DNM3: variants seen among roughly 807,000 people sequenced by gnomAD.
The protein encoded by DNM3 is dynamin 3.
A neutral mutation model predicts 101.6 loss-of-function variants in DNM3; 47 were observed. The observed-to-expected ratio is 0.46, with a 90% CI of 0.37 to 0.59. DNM3 has a LOEUF of 0.59. Ranked by LOEUF, DNM3 falls within the 20% of genes least tolerant of loss-of-function variation. DNM3 has a pLI of 0.00. For synonymous variants in DNM3, 385 were observed against 387.9 expected (o/e 0.99, Z 0.09); for missense variants, 849 against 1,085.7 (o/e 0.78, Z 3.06).
At chr1:171,855,471 T>A (rs1381978680) in intron 1 of DNM3, among the ~76,000 whole-genome samples, 2 of 152,208 alleles carry the variant, frequency 1.3e-5, no homozygotes, top group Non-Finnish European at 1.5e-5. Flanking sequence ...TCCGCAATGG[T>A]TGAACTAATT....
At chr1:171,845,335 G>T (rs1036667626) in intron 1 of DNM3, among the ~76,000 whole-genome samples, 5 of 152,220 alleles carry the variant, frequency 3.3e-5, no homozygotes, top group African/African-American at 1.2e-4. Flanking sequence ...GATTGCTTGA[G>T]CCCAGGAGTT....
chr1:171,947,386 G>A lies in DNM3; in HGVS notation c.235+25565G>A, dbSNP rs61805812. Among the ~76,000 whole-genome samples the A allele has an allele frequency of 6.2e-3, 947 of 152,188 alleles. 8 individuals carry two copies. Among genetic ancestry groups the A allele is most frequent in the Non-Finnish European group, 0.011 (731 of 68,016 alleles). Reference sequence around the variant, plus strand: ...ATTTCTTACAGCATGTATGTATGTTGGAGAAAAGGATGTGCATTATCCATC... The same window carrying A: ...ATTTCTTACAGCATGTATGTATGTTAGAGAAAAGGATGTGCATTATCCATC... On this transcript the variant is annotated intron_variant, in intron 2 of 20. Transcript: ENST00000627582.
At chr1:172,096,684 G>A (rs16843847) in intron 13 of DNM3, among the ~76,000 whole-genome samples, 6,407 of 152,246 alleles carry the variant, frequency 0.042, 418 homozygotes, top group African/African-American at 0.14. Flanking sequence ...ATGAGTCACC[G>A]TGGGAGTTTG....
At chr1:172,075,226 G>A (rs1418328180) in intron 11 of DNM3, among the ~76,000 whole-genome samples, 2 of 151,834 alleles carry the variant, frequency 1.3e-5, no homozygotes, top group African/African-American at 2.4e-5. Flanking sequence ...TTGTCAGATG[G>A]GTAGATTGCA....
At position 171,971,705 on chromosome 1, in the gene DNM3, T is replaced by TA. The variant is rs2044006686; in HGVS notation, c.236-15944dup. Among the ~76,000 whole-genome samples the TA allele has an allele frequency of 3.9e-5, 6 of 152,066 alleles. No homozygotes were observed. The South Asian group carries it at 1.0e-3, about 26-fold the overall frequency. On this transcript the variant is annotated intron_variant, in intron 2 of 20. Coordinates refer to ENST00000627582, the MANE Select transcript of DNM3 (RefSeq NM_015569.5). ...GCACAATGTGTAATTGAAGGCTTGC[T>TA]AAAAAAACAAAAACAAAAACAAAAA...
chr1:171,993,498 C>CTTTTTTT (rs145178902), intron 4 of DNM3, among the ~76,000 whole-genome samples: 31 of 128,662 alleles, frequency 2.4e-4, no homozygotes, highest in African/African-American at 8.5e-4. Flanking sequence ...TTTCAAGATT[C>CTTTTTTT]TTTTTTTTTT....
chr1:172,138,340 C>T (rs534926166), intron 14 of DNM3: 4 of 137,850 alleles, frequency 2.9e-5, no homozygotes, highest in African/African-American at 1.1e-4. Flanking sequence ...TCTTTCCACC[C>T]TATCCCCTTC....
intron 14 of DNM3, among the ~76,000 whole-genome samples, chr1:172,225,392 C>T (rs1041298884): frequency 6.6e-6 from 1 of 151,958 alleles, no homozygotes; most frequent in East Asian, 1.9e-4. Context: ...GCCTCGGCCT[C>T]CCAAAGTGCT....
At chr1:172,031,565 A>G in intron 4 of DNM3, among the ~76,000 whole-genome samples, 1 of 152,280 alleles carries the variant, frequency 6.6e-6, no homozygotes, top group South Asian at 2.1e-4. Context: ...ACTTAAAGTA[A>G]AATAAAACAT....
chr1:172,167,635 C>T (rs1299349354), intron 14 of DNM3, among the ~76,000 whole-genome samples: 1 of 152,058 alleles, frequency 6.6e-6, no homozygotes, highest in African/African-American at 2.4e-5. Context: ...GATGGTATCT[C>T]ATTGTGGTTT....
At chr1:171,882,931 CA>C (rs978827443) in intron 1 of DNM3, among the ~76,000 whole-genome samples, 2 of 151,762 alleles carry the variant, frequency 1.3e-5, no homozygotes, top group African/African-American at 4.8e-5. Context: ...TCCTATGACT[CA>C]TAAAATCAGT....
chr1:172,366,425 A>T (rs1305237107), intron 17 of DNM3: 1 of 151,898 alleles, frequency 6.6e-6, no homozygotes, highest in Admixed American at 6.6e-5. Context: ...GATTTCAGGA[A>T]GAAGAGTCTT....
At chr1:172,389,066 A>C in intron 20 of DNM3, 1 of 502,718 alleles carries the variant, frequency 2.0e-6, no homozygotes, top group South Asian at 2.6e-5. Context: ...CCAATGAATG[A>C]CATTTTGGCA....
intron 4 of DNM3, among the ~76,000 whole-genome samples, chr1:172,009,473 G>A (rs2046971108): frequency 6.6e-6 from 1 of 151,142 alleles, no homozygotes; most frequent in Admixed American, 6.6e-5. Flanking sequence ...TCCACATGTG[G>A]CTATTAAGGT....
At chr1:172,244,998 G>C (rs2061896858) in intron 14 of DNM3, among the ~76,000 whole-genome samples, 1 of 152,106 alleles carries the variant, frequency 6.6e-6, no homozygotes, top group South Asian at 2.1e-4. Context: ...ATTATTCTTT[G>C]ATACTTTGAT....
At chr1:172,193,595 GT>G in intron 14 of DNM3, among the ~76,000 whole-genome samples, 1 of 152,266 alleles carries the variant, frequency 6.6e-6, no homozygotes, top group East Asian at 1.9e-4. Context: ...TTGGGAGGGT[GT>G]ATGTGTCGAG....
chr1:171,861,055 A>T (rs2034127052), intron 1 of DNM3, among the ~76,000 whole-genome samples: 1 of 152,150 alleles, frequency 6.6e-6, no homozygotes, highest in African/African-American at 2.4e-5. Flanking sequence ...AAACCTTAAG[A>T]CTGCACACCA....
chr1:172,034,896 G>A (rs2048849648), intron 6 of DNM3, among the ~76,000 whole-genome samples: 1 of 152,050 alleles, frequency 6.6e-6, no homozygotes, highest in African/African-American at 2.4e-5. Flanking sequence ...ACCAAATTGA[G>A]GATTTTGGCT....
chr1:172,101,729 A>T (rs2054654337), intron 13 of DNM3, among the ~76,000 whole-genome samples: 1 of 152,184 alleles, frequency 6.6e-6, no homozygotes, highest in Admixed American at 6.5e-5. Context: ...AATCTTAATC[A>T]CCATGTTTAA....
Sources: allele counts gnomAD v4.1 joint callset (sites outside exome capture counted in the v4.1 genomes callset), GRCh38; gene constraint gnomAD v4.1.1; transcripts MANE v1.5; gene names NCBI Gene and HGNC (gene_info 2026-07-23, HGNC 2026-07-21).